PRR5L: variants seen among roughly 807,000 people sequenced by gnomAD.
PRR5L encodes the protein proline rich 5 like, also known as proline-rich protein 5-like.
In PRR5L, 21 loss-of-function variants were observed where a neutral mutation model predicts 36.4. That is an observed-to-expected ratio of 0.58 (90% CI 0.41 to 0.83). PRR5L has a LOEUF of 0.83. PRR5L is among the 40% of genes least tolerant of loss of function. The pLI is 0.00. For synonymous variants in PRR5L, 188 were observed against 197.0 expected, an observed-to-expected ratio of 0.95 and a Z score of 0.38; for missense variants, 381 against 473.3, an observed-to-expected ratio of 0.80 and a Z score of 1.81.
chr11:36,298,360 T>C (rs982764269), intron 1 of PRR5L, among the ~76,000 whole-genome samples: 1 of 152,202 alleles, frequency 6.6e-6, no homozygotes, highest in African/African-American at 2.4e-5. Flanking sequence ...ATGAAATAAT[T>C]ACACAATTCA....
At chr11:36,433,833 G>C (rs1300460043) in intron 5 of PRR5L, among the ~76,000 whole-genome samples, 1 of 152,214 alleles carries the variant, frequency 6.6e-6, no homozygotes, top group African/African-American at 2.4e-5. Context: ...ATGAGCCACT[G>C]TGCCCAGCCC....
At chr11:36,349,279 CAAAAAA>C (rs56844732) in intron 1 of PRR5L, among the ~76,000 whole-genome samples, 12 of 106,544 alleles carry the variant, frequency 1.1e-4, no homozygotes, top group African/African-American at 1.9e-4. Flanking sequence ...AAGACTCTGC[CAAAAAA>C]AAAAAAAAAA....
At chr11:36,372,712 A>G (rs1403491701) in intron 1 of PRR5L, among the ~76,000 whole-genome samples, 1 of 152,222 alleles carries the variant, frequency 6.6e-6, no homozygotes, top group African/African-American at 2.4e-5. Context: ...GCACTGCAGA[A>G]CTAGCCAATT....
chr11:36,374,243 C>T (rs556228687), intron 1 of PRR5L, among the ~76,000 whole-genome samples: 22 of 152,026 alleles, frequency 1.4e-4, no homozygotes, highest in Non-Finnish European at 2.6e-4. Context: ...TACAGGCACC[C>T]GCCACCATGC....
intron 1 of PRR5L, among the ~76,000 whole-genome samples, chr11:36,312,985 C>A (rs1379527817): frequency 1.3e-5 from 2 of 152,240 alleles, no homozygotes; most frequent in Non-Finnish European, 2.9e-5. Context: ...TCCAGAGGAG[C>A]CGCTTTACTG....
rs117100306 is a variant in PRR5L, at chr11:36,308,652, G to A, written c.-126+12214G>A. On this transcript the variant is annotated intron_variant, in intron 1 of 8. Transcript: ENST00000530639. ...ATTTTAGCTGATGTGATAGATTGAG[G>A]TATTGTTCAGTAAATCTTCACTCAT... Among the ~76,000 whole-genome samples the A allele has an allele frequency of 2.8e-4, 43 of 152,336 alleles. No homozygotes were observed. The East Asian group carries it at 3.3e-3, about 12-fold the overall frequency.
At chr11:36,391,762 A>G (rs1020402648) in intron 1 of PRR5L, among the ~76,000 whole-genome samples, 2 of 152,266 alleles carry the variant, frequency 1.3e-5, no homozygotes, top group Admixed American at 6.5e-5. Flanking sequence ...CATGCAATGC[A>G]TAATAATCAC....
At chr11:36,359,582 A>C (rs1857063838) in intron 1 of PRR5L, among the ~76,000 whole-genome samples, 1 of 152,244 alleles carries the variant, frequency 6.6e-6, no homozygotes, top group Non-Finnish European at 1.5e-5. Flanking sequence ...TTAGTGTAAC[A>C]CTTTCATTAA....
chr11:36,384,937 C>A (rs890453140), intron 1 of PRR5L, among the ~76,000 whole-genome samples: 2 of 151,578 alleles, frequency 1.3e-5, no homozygotes, highest in African/African-American at 4.9e-5. Context: ...TCCTAAATTG[C>A]TGGGATTATA....
chr11:36,406,054 A>G (rs1857903642), intron 3 of PRR5L, among the ~76,000 whole-genome samples: 6 of 152,094 alleles, frequency 3.9e-5, no homozygotes, highest in Admixed American at 3.9e-4. Context: ...TTGTAGTGTC[A>G]GAAAGAGAGG....
At chr11:36,354,853 G>A (rs1397951412) in intron 1 of PRR5L, among the ~76,000 whole-genome samples, 1 of 152,166 alleles carries the variant, frequency 6.6e-6, no homozygotes, top group Non-Finnish European at 1.5e-5. Context: ...TTAGCCAGGG[G>A]CAAGGAAAAG....
intron 7 of PRR5L, among the ~76,000 whole-genome samples, chr11:36,450,365 C>A (rs1271472920): frequency 1.3e-5 from 2 of 152,236 alleles, no homozygotes; most frequent in Non-Finnish European, 2.9e-5. Context: ...CCCTCTCCTG[C>A]CAGGTGGTCT....
chr11:36,437,756 G>A (rs1037024004), intron 6 of PRR5L, among the ~76,000 whole-genome samples: 13 of 151,608 alleles, frequency 8.6e-5, no homozygotes. Flanking sequence ...GTTTTTCTTA[G>A]TTTTCAGAAG....
intron 1 of PRR5L, among the ~76,000 whole-genome samples, chr11:36,300,594 G>T (rs921959132): frequency 2.6e-4 from 40 of 152,046 alleles, no homozygotes; most frequent in African/African-American, 9.2e-4. Flanking sequence ...TCACCTTCTA[G>T]CTCCCAGGAG....
chr11:36,359,002 C>T (rs764451638), intron 1 of PRR5L, among the ~76,000 whole-genome samples: 11 of 152,168 alleles, frequency 7.2e-5, no homozygotes, highest in Non-Finnish European at 1.5e-4. Context: ...GTTGGATTTT[C>T]AGTAACGTGG....
In PRR5L at chr11:36,399,502, G is replaced by A. The variant is rs2094898595; in HGVS notation, c.-125-1495G>A. ...TGTTTGATTTGGAGGTGAGACTTCG[G>A]TTCCTCCTTCTTCAAGTGCTAACCA... On this transcript the variant is annotated intron_variant, in intron 1 of 8. Coordinates refer to ENST00000530639, the MANE Select transcript of PRR5L (RefSeq NM_001160167.2). 2.0e-5 allele frequency among the ~76,000 whole-genome samples: 3 copies of A among 152,132 alleles called. No homozygotes were observed. In the South Asian group the frequency reaches 6.2e-4, roughly 32 times the overall value.
At chr11:36,445,820 TTTTCTCCTAC>T in intron 6 of PRR5L, among the ~76,000 whole-genome samples, 1 of 152,332 alleles carries the variant, frequency 6.6e-6, no homozygotes, top group Middle Eastern at 3.4e-3. Context: ...AACAAATCCC[TTTTCTCCTAC>T]TTTCCTATTT....
intron 5 of PRR5L, among the ~76,000 whole-genome samples, chr11:36,432,819 C>A (rs905116527): frequency 6.6e-6 from 1 of 152,104 alleles, no homozygotes; most frequent in Admixed American, 6.5e-5. Context: ...TGTTTCTTCC[C>A]ATTCCCTGGG....
At chr11:36,332,038 TA>T (rs1229440179) in intron 1 of PRR5L, among the ~76,000 whole-genome samples, 1 of 152,134 alleles carries the variant, frequency 6.6e-6, no homozygotes, top group East Asian at 1.9e-4. Context: ...GAGGATGAAA[TA>T]AAAAATCATT....
Sources: gnomAD v4.1 joint callset for allele counts (sites outside exome capture counted in the v4.1 genomes callset) on GRCh38, gnomAD v4.1.1 for gene constraint, MANE v1.5 for transcripts, NCBI Gene and HGNC (gene_info 2026-07-23, HGNC 2026-07-21) for gene names.